The following XDH variants were observed in gnomAD, a reference collection of about 807,000 sequenced individuals.
XDH encodes the protein xanthine dehydrogenase, also known as xanthine dehydrogenase/oxidase.
In XDH, 138 loss-of-function variants were observed where a neutral mutation model predicts 156.1. The observed-to-expected ratio is 0.88, with a 90% CI of 0.77 to 1.02. The LOEUF (loss-of-function observed/expected upper bound fraction) is 1.02, where lower values mean the gene tolerates loss of function less well. Among genes scored for constraint, XDH ranks in the 50% least tolerant of loss-of-function variants. The probability of loss-of-function intolerance (pLI) is 0.00; values close to 1 mark genes in which losing one functional copy is unlikely to be tolerated. For missense variants in XDH, 1,849 were observed against 1,684.9 expected (o/e 1.10, Z -1.71); for synonymous variants, 669 against 625.7 (o/e 1.07, Z -1.03).
At chr2:31,398,295 A>G (rs1686964948) in intron 5 of XDH, among the ~76,000 whole-genome samples, 1 of 152,168 alleles carries the variant, frequency 6.6e-6, no homozygotes, top group Non-Finnish European at 1.5e-5. Context: ...CCAGCCATGC[A>G]CTGCCAACCC....
chr2:31,339,236 C>A (rs904109414), intron 34 of XDH, among the ~76,000 whole-genome samples: 5 of 152,100 alleles, frequency 3.3e-5, no homozygotes, highest in African/African-American at 1.2e-4. Context: ...ATGAAGGAAT[C>A]CCTCTAAATT....
At chr2:31,397,046 G>T (rs1015205476) in intron 6 of XDH, among the ~76,000 whole-genome samples, 1 of 152,188 alleles carries the variant, frequency 6.6e-6, no homozygotes, top group Non-Finnish European at 1.5e-5. Context: ...GTAAAACCTG[G>T]GGGGAGATTA....
Position 31,347,505 on chromosome 2 carries a change from T to C in XDH, c.3276+17A>G, listed in dbSNP as rs1344763469. On this transcript the variant is annotated intron_variant, in intron 29 of 35. Coordinates refer to ENST00000379416, the MANE Select transcript of XDH (RefSeq NM_000379.4). ...TGGGCTGGCCCTCTGCTCTGCGGGA[T>C]CCCATGGGCTCCTTACATAGACGGC... 6.2e-7 allele frequency: 1 copy of C among 1,613,170 alleles called. No individual in the cohort carries two copies.
intron 4 of XDH, among the ~76,000 whole-genome samples, chr2:31,399,728 T>C (rs934263717): frequency 1.3e-5 from 2 of 152,224 alleles, no homozygotes; most frequent in Admixed American, 1.3e-4. Flanking sequence ...TGACGAAATC[T>C]GAAGGGTTTC....
intron 8 of XDH, among the ~76,000 whole-genome samples, chr2:31,386,988 AAAGGAAGGAAGGAAGGAAGGAAGG>A (rs72299308): frequency 0.069 from 6,208 of 90,500 alleles, 552 homozygotes; most frequent in African/African-American, 0.19. Flanking sequence ...GGGAGGGAAG[AAAGGAAGGAAGGAAGGAAGGAAGG>A]AAGGAAGGAA....
intron 27 of XDH, 93 bp downstream of exon 27, chr2:31,348,806 A>G (rs1293754050): frequency 3.5e-6 from 4 of 1,155,490 alleles, no homozygotes; most frequent in Admixed American, 3.5e-5. Flanking sequence ...CCCTGTTACC[A>G]GTGACAACGA....
chr2:31,401,271 C>T lies in XDH; in HGVS notation c.255G>A (p.Val85=), dbSNP rs1260799341. ...APICSLHHVA[V]TTVEGIGSTK... is the part of the protein sequence containing the mutation. ...TGCTTCCTATTCCTTCCACAGTTGTCACTGCAACATGGTGCAAGGAGCAGA... is the reference window on the plus strand; with the variant it reads ...TGCTTCCTATTCCTTCCACAGTTGTTACTGCAACATGGTGCAAGGAGCAGA... Residue 85 remains valine, a synonymous_variant, in exon 4 of 36, where the codon GTG becomes GTA. Transcript: ENST00000379416. 6.2e-7 allele frequency: 1 copy of T among 1,614,048 alleles called. No homozygotes were observed. Among genetic ancestry groups the T allele is most frequent in the Non-Finnish European group, 8.5e-7 (1 of 1,180,032 alleles).
chr2:31,345,174 C>T (rs1336183460), intron 30 of XDH, among the ~76,000 whole-genome samples: 1 of 152,218 alleles, frequency 6.6e-6, no homozygotes, highest in East Asian at 1.9e-4. Flanking sequence ...TTCCATCTCC[C>T]ACACCTCTGC....
In XDH at chr2:31,348,901, G is replaced by C; in HGVS notation, c.3049C>G (p.Gln1017Glu). 1.2e-6 allele frequency: 2 copies of C among 1,612,330 alleles called. No individual in the cohort carries two copies. Among genetic ancestry groups the C allele is most frequent in the Non-Finnish European group, 1.7e-6 (2 of 1,178,302 alleles). The change falls in exon 27 of 36, where the codon CAG (glutamine) becomes GAG (glutamate). Residue 1017 changes from glutamine to glutamate, a missense_variant and splice_region_variant. Transcript: ENST00000379416. ...ACACAATTCTATAAAGCAATTACCT[G>C]ATTCAGAAAAGGAACTGTAAAGCTT... The part of the protein sequence containing the change: ...GISFTVPFLN[Q>E]AGALLHVYTD...
At chr2:31,350,382 T>C (rs1166071540) in intron 24 of XDH, among the ~76,000 whole-genome samples, 159 bp from the exon 25 acceptor site, 1 of 137,444 alleles carries the variant, frequency 7.3e-6, no homozygotes, top group East Asian at 2.1e-4. Flanking sequence ...TTTTTTTTTT[T>C]TTTTTTTTTT....
At chr2:31,387,119 C>G (rs1186229135) in intron 8 of XDH, among the ~76,000 whole-genome samples, 1 of 152,146 alleles carries the variant, frequency 6.6e-6, no homozygotes, top group African/African-American at 2.4e-5. Flanking sequence ...GAACGAAGCC[C>G]TCAAATCGAA....
chr2:31,348,479 C>A (rs1685363986), intron 27 of XDH, 116 bp from the exon 28 acceptor site: 7 of 932,688 alleles, frequency 7.5e-6, no homozygotes, highest in African/African-American at 1.6e-5. Flanking sequence ...TGGATGTAAA[C>A]CTCAGACAAA....
At chr2:31,352,115 T>C (rs66801306) in intron 24 of XDH, among the ~76,000 whole-genome samples, 7,602 of 152,266 alleles carry the variant, frequency 0.05, 304 homozygotes, top group African/African-American at 0.11. Context: ...GAAATGTCTA[T>C]GATTTGGACC....
In XDH at chr2:31,405,846, C is replaced by T; in HGVS notation, c.100+61G>A. ...CCAGTCACTAGGAAACAATGTAAGG[C>T]CTACAGAATCAGTCACCATTGCCCC... On this transcript the variant is annotated intron_variant, in intron 2 of 35. Transcript: ENST00000379416. The T allele has an allele frequency of 6.3e-6, 10 of 1,589,570 alleles. No homozygotes were observed. In the South Asian group the frequency reaches 8.8e-5, roughly 14 times the overall value.
At chr2:31,344,821 C>G (rs955913473) in intron 30 of XDH, 85 bp from the exon 31 acceptor site, 1 of 1,406,778 alleles carries the variant, frequency 7.1e-7, no homozygotes, top group Admixed American at 1.8e-5. Context: ...GAGCTCACCT[C>G]CTCTGGAAGC....
chr2:31,394,492 G>C (rs779723123), intron 6 of XDH, among the ~76,000 whole-genome samples: 11 of 152,106 alleles, frequency 7.2e-5, no homozygotes, highest in Non-Finnish European at 1.0e-4. Flanking sequence ...ACATGCCTTG[G>C]TATAGTTTTT....
At chr2:31,382,015 G>T (rs1362085263) in intron 11 of XDH, among the ~76,000 whole-genome samples, 4 of 152,194 alleles carry the variant, frequency 2.6e-5, no homozygotes. Context: ...TTTCCCGAAA[G>T]GATTGAGGTG....
chr2:31,408,762 G>A (rs1290965337), intron 1 of XDH, among the ~76,000 whole-genome samples: 1 of 152,188 alleles, frequency 6.6e-6, no homozygotes, highest in South Asian at 2.1e-4. Flanking sequence ...GCTACCATAT[G>A]ATCCAGCAAT....
chr2:31,339,617 G>T lies in XDH; in HGVS notation c.3646C>A (p.Pro1216Thr), dbSNP rs767242541. ...LFTLEELHYSPEGSLHTRGPS... is the reference protein window; with the variant it reads ...LFTLEELHYSTEGSLHTRGPS... ...CCACGGGTGTGCAGGCTCCCCTCGG[G>T]GGAATAGTGTAGCTCCTCTAGGGTG... Residue 1216 changes from proline (P) to threonine (T), a missense_variant, in exon 34 of 36, where the codon CCC (proline) becomes ACC (threonine). Physicochemically the swap from Pro to Thr is conservative, Grantham distance 38. Transcript: ENST00000379416. 1.2e-6 allele frequency: 2 copies of T among 1,614,104 alleles called. No homozygotes were observed. Among genetic ancestry groups the T allele is most frequent in the Non-Finnish European group, 1.7e-6 (2 of 1,179,968 alleles).
Sources: gnomAD v4.1 joint callset for allele counts (sites outside exome capture counted in the v4.1 genomes callset) on GRCh38, gnomAD v4.1.1 for gene constraint, MANE v1.5 for transcripts, NCBI Gene and HGNC (gene_info 2026-07-23, HGNC 2026-07-21) for gene names.